Variants in VTI1A observed in about 807,000 individuals in gnomAD.
VTI1A encodes vesicle transport through interaction with t-SNAREs homolog 1A.
In VTI1A, 22 loss-of-function variants were observed where a neutral mutation model predicts 34.9. The observed-to-expected ratio is 0.63, with a 90% CI of 0.45 to 0.90. The LOEUF (loss-of-function observed/expected upper bound fraction) is 0.90, where lower values mean the gene tolerates loss of function less well. Among genes scored for constraint, VTI1A ranks in the 40% least tolerant of loss-of-function variants. The pLI, the probability that VTI1A is intolerant of heterozygous loss-of-function variation, is 0.00. For synonymous variants in VTI1A, 87 were observed against 97.3 expected, an observed-to-expected ratio of 0.89 and a Z score of 0.62; for missense variants, 268 against 275.6, an observed-to-expected ratio of 0.97 and a Z score of 0.20.
chr10:112,523,361 A>G (rs1850099847), intron 3 of VTI1A, among the ~76,000 whole-genome samples: 1 of 152,224 alleles, frequency 6.6e-6, no homozygotes, highest in Non-Finnish European at 1.5e-5. Context: ...TTGTGTCATC[A>G]GTTTAAAATA....
At chr10:112,503,444 A>T (rs1393201969) in intron 3 of VTI1A, among the ~76,000 whole-genome samples, 1 of 152,146 alleles carries the variant, frequency 6.6e-6, no homozygotes, top group Non-Finnish European at 1.5e-5. Context: ...GCTTTCTCTC[A>T]CTTCTGAAAG....
chr10:112,737,415 A>C (rs1240645716), intron 7 of VTI1A: 33 of 1,034,674 alleles, frequency 3.2e-5, no homozygotes, highest in Non-Finnish European at 3.8e-5. Flanking sequence ...ATAATTAAAA[A>C]ATGACAAAAA....
At chr10:112,475,053 G>A (rs1039473404) in intron 3 of VTI1A, among the ~76,000 whole-genome samples, 3 of 152,168 alleles carry the variant, frequency 2.0e-5, no homozygotes, top group Non-Finnish European at 4.4e-5. Context: ...TAAAAGGTTC[G>A]TGTTCTTGAC....
chr10:112,805,980 G>A lies in VTI1A; in HGVS notation c.561-9310G>A, dbSNP rs111619920. Among the ~76,000 whole-genome samples the A allele has an allele frequency of 7.1e-3, 1,075 of 152,294 alleles. 5 individuals are homozygous for A. Among genetic ancestry groups the A allele is most frequent in the Non-Finnish European group, 0.011 (776 of 68,026 alleles). Reference sequence around the variant, plus strand: ...CTATCTGGCCCTCTGCAGACAGAGCGTGCTGATTCCTGTTGAGCTAAGTAT... The same window carrying A: ...CTATCTGGCCCTCTGCAGACAGAGCATGCTGATTCCTGTTGAGCTAAGTAT... On this transcript the variant is annotated intron_variant, in intron 7 of 7. Transcript: ENST00000393077.
At chr10:112,573,073 A>G (rs914680211) in intron 5 of VTI1A, among the ~76,000 whole-genome samples, 5 of 151,978 alleles carry the variant, frequency 3.3e-5, no homozygotes, top group African/African-American at 1.2e-4. Context: ...TTCAGGGGTG[A>G]CAGACCCAAA....
intron 7 of VTI1A, among the ~76,000 whole-genome samples, chr10:112,699,503 A>C (rs939414955): frequency 2.0e-5 from 3 of 152,240 alleles, no homozygotes; most frequent in Admixed American, 2.0e-4. Context: ...ATAGTTTATA[A>C]AATGTGTTTT....
intron 4 of VTI1A, among the ~76,000 whole-genome samples, chr10:112,528,331 C>T: frequency 6.6e-6 from 1 of 152,060 alleles, no homozygotes; most frequent in East Asian, 1.9e-4. Context: ...GGACTCTACT[C>T]ACCCACCCCC....
intron 7 of VTI1A, among the ~76,000 whole-genome samples, chr10:112,679,317 G>T (rs1848135915): frequency 6.6e-6 from 1 of 152,046 alleles, no homozygotes; most frequent in African/African-American, 2.4e-5. Flanking sequence ...TTTCTTTTAT[G>T]GGGAAAAGAA....
chr10:112,554,090 G>A (rs994110639), intron 5 of VTI1A, among the ~76,000 whole-genome samples: 2 of 152,092 alleles, frequency 1.3e-5, no homozygotes, highest in African/African-American at 2.4e-5. Flanking sequence ...TAAGGAGTCC[G>A]ATATCATCTG....
intron 7 of VTI1A, among the ~76,000 whole-genome samples, chr10:112,717,063 C>G (rs1279964743): frequency 6.6e-6 from 1 of 152,228 alleles, no homozygotes; most frequent in Non-Finnish European, 1.5e-5. Context: ...CGTTGCACCT[C>G]TGCTGCCCTA....
chr10:112,663,195 G>T (rs377746338), intron 5 of VTI1A, among the ~76,000 whole-genome samples: 1 of 152,100 alleles, frequency 6.6e-6, no homozygotes, highest in South Asian at 2.1e-4. Context: ...TCTAGATTCC[G>T]TTCTGTTTTG....
chr10:112,693,666 G>A (rs1046924223), intron 7 of VTI1A, among the ~76,000 whole-genome samples: 1 of 152,166 alleles, frequency 6.6e-6, no homozygotes, highest in African/African-American at 2.4e-5. Flanking sequence ...GTTGAAAATG[G>A]TGCTTGAACA....
intron 3 of VTI1A, among the ~76,000 whole-genome samples, chr10:112,522,639 C>G (rs778139191): frequency 6.6e-6 from 1 of 152,022 alleles, no homozygotes; most frequent in Non-Finnish European, 1.5e-5. Flanking sequence ...ACGTAGCCAT[C>G]GAATATTTGC....
intron 7 of VTI1A, among the ~76,000 whole-genome samples, chr10:112,702,219 C>A (rs574807477): frequency 1.1e-4 from 16 of 152,122 alleles, no homozygotes; most frequent in Non-Finnish European, 2.1e-4. Context: ...AGCAAGCCTT[C>A]CATTTTGGTG....
chr10:112,765,599 G>A (rs11196096), intron 7 of VTI1A, among the ~76,000 whole-genome samples: 12,199 of 152,246 alleles, frequency 0.08, 675 homozygotes, highest in East Asian at 0.25. Flanking sequence ...GCTAGGTGCT[G>A]GGGAAATATT....
chr10:112,582,301 C>A (rs1036951564), intron 5 of VTI1A, among the ~76,000 whole-genome samples: 2 of 152,158 alleles, frequency 1.3e-5, no homozygotes, highest in African/African-American at 2.4e-5. Flanking sequence ...AGTGTGCATT[C>A]TCCAGATATA....
At chr10:112,779,990 T>C (rs557438747) in intron 7 of VTI1A, among the ~76,000 whole-genome samples, 2 of 152,012 alleles carry the variant, frequency 1.3e-5, no homozygotes, top group South Asian at 4.2e-4. Flanking sequence ...TGAGATTGTT[T>C]AATTCTAAAC....
the VTI1A span, among the ~76,000 whole-genome samples, chr10:112,838,922 A>G: frequency 6.6e-6 from 1 of 152,208 alleles, no homozygotes; most frequent in Non-Finnish European, 1.5e-5. Flanking sequence ...TGCCATCACC[A>G]TTTGACCAGA....
chr10:112,715,873 T>A (rs1318627982), intron 7 of VTI1A, among the ~76,000 whole-genome samples: 1 of 152,204 alleles, frequency 6.6e-6, no homozygotes, highest in Non-Finnish European at 1.5e-5. Flanking sequence ...AGACTTGTTG[T>A]AGGCACAGTT....
Sources: gnomAD v4.1 joint callset for allele counts (sites outside exome capture counted in the v4.1 genomes callset) on GRCh38, gnomAD v4.1.1 for gene constraint, MANE v1.5 for transcripts, NCBI Gene and HGNC (gene_info 2026-07-23, HGNC 2026-07-21) for gene names.